The following HNRNPC variants were observed in gnomAD, a reference collection of about 807,000 sequenced individuals.
HNRNPC encodes heterogeneous nuclear ribonucleoprotein C.
In HNRNPC, 3 loss-of-function variants were observed where a neutral mutation model predicts 33.2. The ratio of observed to expected loss-of-function variants is 0.09; its 90% CI spans 0.04 to 0.23. HNRNPC has a LOEUF of 0.23. HNRNPC is among the 10% of genes least tolerant of loss of function. The pLI is 1.00. For synonymous variants in HNRNPC, 121 were observed against 126.7 expected, an observed-to-expected ratio of 0.96 and a Z score of 0.30; for missense variants, 143 against 366.7, an observed-to-expected ratio of 0.39 and a Z score of 4.98.
At chr14:21,229,455 C>CCATT (rs1437674250) in intron 5 of HNRNPC, among the ~76,000 whole-genome samples, 1 of 152,130 alleles carries the variant, frequency 6.6e-6, no homozygotes, top group African/African-American at 2.4e-5. Context: ...CTCAACCACA[C>CCATT]CATTTTATTA....
rs1566603124 is a variant in HNRNPC, at chr14:21,222,066, A to AAAAAAAAAAAG, written c.365+8252_365+8253insCTTTTTTTTTT. Among the ~76,000 whole-genome samples, 2 of 125,682 alleles carry AAAAAAAAAAAG rather than the reference A, an allele frequency of 1.6e-5. 1 individual carries two copies. The allele number at this position is 125,682 out of a possible 152,430, so 82.5% of individuals were successfully genotyped here. On this transcript the variant is annotated intron_variant, in intron 5 of 8. Coordinates refer to ENST00000553300, the MANE Select transcript of HNRNPC (RefSeq NM_004500.4). ...AAAAAAAAAAAAAAAAAAAAAAAAA[A>AAAAAAAAAAAG]GCTGAAAAACACATGAAAAGACATT...
intron 6 of HNRNPC, 96 bp downstream of exon 6, chr14:21,212,864 C>G: frequency 6.8e-7 from 1 of 1,477,870 alleles, no homozygotes; most frequent in Non-Finnish European, 9.4e-7. Flanking sequence ...ATTTTGAATA[C>G]ACAAAGTCAT....
chr14:21,246,730 C>A (rs1566630580), intron 2 of HNRNPC, among the ~76,000 whole-genome samples: 1 of 152,136 alleles, frequency 6.6e-6, no homozygotes, highest in Non-Finnish European at 1.5e-5. Context: ...CATACAGGAA[C>A]AATTACAACT....
rs565332258 is a variant in HNRNPC, at chr14:21,224,580, G to C, written c.365+5739C>G. On this transcript the variant is annotated intron_variant, in intron 5 of 8. Transcript: ENST00000553300. ...ATCACATCAAGACCAATCTACTTCA[G>C]AAATTCTCCCAACCTCCTCTCCATT... Among the ~76,000 whole-genome samples, 3 of 152,180 alleles carry C rather than the reference G, an allele frequency of 2.0e-5. No homozygotes were observed. In the South Asian group the frequency reaches 6.2e-4, roughly 32 times the overall value.
chr14:21,258,826 T>G (rs992801682), intron 2 of HNRNPC, among the ~76,000 whole-genome samples: 1 of 152,172 alleles, frequency 6.6e-6, no homozygotes, highest in African/African-American at 2.4e-5. Context: ...AAAAACTCAT[T>G]TGAAAAACCA....
intron 5 of HNRNPC, 176 bp from the exon 6 acceptor site, chr14:21,213,293 ATTTC>A: frequency 1.6e-6 from 1 of 615,898 alleles, no homozygotes; most frequent in African/African-American, 1.8e-5. Context: ...TTATCCCATT[ATTTC>A]TTTACCTAGG....
At chr14:21,252,514 C>T (rs569633776) in intron 2 of HNRNPC, among the ~76,000 whole-genome samples, 15 of 152,232 alleles carry the variant, frequency 9.9e-5, no homozygotes, top group African/African-American at 3.1e-4. Flanking sequence ...GGTTTCACCA[C>T]ATTGGCCAGG....
At chr14:21,268,493 A>C (rs986633452) in intron 1 of HNRNPC, 1 of 152,204 alleles carries the variant, frequency 6.6e-6, no homozygotes, top group Non-Finnish European at 1.5e-5. Flanking sequence ...TATTCCATTA[A>C]CTAGGTAAAA....
chr14:21,225,928 G>C (rs1449459444), intron 5 of HNRNPC, among the ~76,000 whole-genome samples: 1 of 152,062 alleles, frequency 6.6e-6, no homozygotes, highest in African/African-American at 2.4e-5. Context: ...TCTAGATATA[G>C]TTTTAGTATG....
In HNRNPC at chr14:21,229,217, C is replaced by T. The variant is rs773203115; in HGVS notation, c.365+1102G>A. Among the ~76,000 whole-genome samples, 114 of 151,568 alleles carry T rather than the reference C, an allele frequency of 7.5e-4. 2 individuals carry two copies. Among genetic ancestry groups the T allele is most frequent in the African/African-American group, 2.6e-3 (106 of 41,302 alleles). ...CATCCTGGCTAACACGATGAAGCCC[C>T]GTCTCTACTAAAAATACAAAAAATT... On this transcript the variant is annotated intron_variant, in intron 5 of 8. Coordinates refer to ENST00000553300, the MANE Select transcript of HNRNPC (RefSeq NM_004500.4).
At position 21,209,814 on chromosome 14, in the gene HNRNPC, TA is replaced by T. The variant is rs1281144059; in HGVS notation, c.*1408del. 1.3e-5 allele frequency: 2 copies of T among 152,158 alleles called. No individual in the cohort carries two copies. Among genetic ancestry groups the T allele is most frequent in the Non-Finnish European group, 2.9e-5 (2 of 68,012 alleles). The allele number at this position is 152,158 out of a possible 1,614,324, so 9.4% of individuals were successfully genotyped here. ...CTGCTATGCTGGAAAAACTGAAGTATAAAACACAAATGAACTAAGCCTTTCA... is the reference window on the plus strand; with the variant it reads ...CTGCTATGCTGGAAAAACTGAAGTATAAACACAAATGAACTAAGCCTTTCA... On this transcript the variant is annotated 3_prime_UTR_variant, in exon 9 of 9. Transcript: ENST00000553300.
chr14:21,242,367 C>T (rs1179062108), intron 2 of HNRNPC, among the ~76,000 whole-genome samples: 1 of 152,164 alleles, frequency 6.6e-6, no homozygotes, highest in Non-Finnish European at 1.5e-5. Context: ...GCCTATAATT[C>T]CAGCTACTCT....
chr14:21,244,487 A>G (rs1243104175), intron 2 of HNRNPC, among the ~76,000 whole-genome samples: 1 of 152,206 alleles, frequency 6.6e-6, no homozygotes, highest in Non-Finnish European at 1.5e-5. Context: ...ATCCTTTCTC[A>G]CTTACCAATG....
intron 2 of HNRNPC, among the ~76,000 whole-genome samples, chr14:21,261,379 T>C (rs1186777852): frequency 6.6e-6 from 1 of 152,154 alleles, no homozygotes; most frequent in African/African-American, 2.4e-5. Context: ...AAAATAGCTC[T>C]CATACAATAG....
intron 2 of HNRNPC, among the ~76,000 whole-genome samples, chr14:21,237,654 G>A (rs1473739085): frequency 2.0e-5 from 3 of 152,240 alleles, no homozygotes; most frequent in South Asian, 2.1e-4. Flanking sequence ...AACATGTTAC[G>A]CAGACTGTTG....
chr14:21,248,662 C>CAA (rs1250596147), intron 2 of HNRNPC, among the ~76,000 whole-genome samples: 12 of 152,130 alleles, frequency 7.9e-5, no homozygotes, highest in Non-Finnish European at 1.8e-4. Flanking sequence ...TTAACACTAT[C>CAA]AAGGAAATAT....
At chr14:21,259,770 T>C (rs1192881145) in intron 2 of HNRNPC, among the ~76,000 whole-genome samples, 1 of 151,394 alleles carries the variant, frequency 6.6e-6, no homozygotes, top group Non-Finnish European at 1.5e-5. Context: ...ACTTCCAATC[T>C]CATTTCCTCT....
intron 3 of HNRNPC, 176 bp from the exon 4 acceptor site, chr14:21,231,248 C>T (rs1049019548): frequency 4.3e-6 from 3 of 692,142 alleles, no homozygotes; most frequent in African/African-American, 3.5e-5. Context: ...ATTCTCCTGC[C>T]TCAGCCTCGA....
intron 2 of HNRNPC, among the ~76,000 whole-genome samples, chr14:21,242,475 C>G (rs893954730): frequency 2.6e-5 from 4 of 152,178 alleles, no homozygotes; most frequent in Admixed American, 1.3e-4. Context: ...CAGTGCAAGA[C>G]TCCGTCTCAA....
Sources: gnomAD v4.1 joint callset for allele counts (sites outside exome capture counted in the v4.1 genomes callset) on GRCh38, gnomAD v4.1.1 for gene constraint, MANE v1.5 for transcripts, NCBI Gene and HGNC (gene_info 2026-07-23, HGNC 2026-07-21) for gene names.